Variants in ARHGAP15 observed in about 807,000 individuals in gnomAD.
ARHGAP15 encodes the protein rho GTPase-activating protein 15.
A neutral mutation model predicts 63.7 loss-of-function variants in ARHGAP15; 51 were observed. The ratio of observed to expected loss-of-function variants is 0.80; its 90% CI spans 0.64 to 1.01. The LOEUF (loss-of-function observed/expected upper bound fraction) is 1.01. Ranked by LOEUF, ARHGAP15 falls within the 50% of genes least tolerant of loss-of-function variation. ARHGAP15 has a pLI of 0.00. For missense variants in ARHGAP15, 560 were observed against 564.6 expected, an observed-to-expected ratio of 0.99 and a Z score of 0.08; for synonymous variants, 191 against 193.8, an observed-to-expected ratio of 0.99 and a Z score of 0.12.
At chr2:143,176,302 G>A (rs1270834329) in intron 2 of ARHGAP15, among the ~76,000 whole-genome samples, 1 of 152,016 alleles carries the variant, frequency 6.6e-6, no homozygotes, top group Non-Finnish European at 1.5e-5. Context: ...AGTTTTAGTT[G>A]CAGTTTTCAA....
At chr2:143,489,744 A>C (rs1692495530) in intron 9 of ARHGAP15, among the ~76,000 whole-genome samples, 1 of 152,334 alleles carries the variant, frequency 6.6e-6, no homozygotes, top group East Asian at 1.9e-4. Context: ...TTGCAAGCAA[A>C]ATGACTTAAC....
chr2:143,305,539 A>G (rs1003785689), intron 6 of ARHGAP15: 2 of 152,142 alleles, frequency 1.3e-5, no homozygotes, highest in African/African-American at 4.8e-5. Context: ...GACTTGTAAT[A>G]TAAGTTTTGT....
At chr2:143,698,160 A>G (rs900560019) in intron 12 of ARHGAP15, among the ~76,000 whole-genome samples, 5 of 152,140 alleles carry the variant, frequency 3.3e-5, no homozygotes, top group African/African-American at 9.7e-5. Flanking sequence ...CTATATAACA[A>G]AGCAGAATTT....
At chr2:143,391,620 C>T (rs986770048) in intron 6 of ARHGAP15, among the ~76,000 whole-genome samples, 26 of 152,168 alleles carry the variant, frequency 1.7e-4, no homozygotes, top group Admixed American at 1.7e-3. Flanking sequence ...TTTCCTGCCA[C>T]CTTTTGAGCA....
intron 3 of ARHGAP15, among the ~76,000 whole-genome samples, chr2:143,208,139 T>C (rs974350520): frequency 6.6e-6 from 1 of 152,188 alleles, no homozygotes; most frequent in African/African-American, 2.4e-5. Context: ...TTATCCATCA[T>C]CTCTACTGTA....
At chr2:143,301,670 A>C (rs1682902209) in intron 6 of ARHGAP15, among the ~76,000 whole-genome samples, 1 of 151,924 alleles carries the variant, frequency 6.6e-6, no homozygotes, top group Non-Finnish European at 1.5e-5. Flanking sequence ...ATTTCAGTGA[A>C]TGTGTGGATT....
intron 5 of ARHGAP15, 113 bp from the exon 6 acceptor site, chr2:143,250,398 A>G: frequency 1.4e-6 from 1 of 705,134 alleles, no homozygotes; most frequent in Admixed American, 3.5e-5. Flanking sequence ...GGAAAACAAA[A>G]AAGGCATTAT....
At chr2:143,286,618 A>G (rs1162607029) in intron 6 of ARHGAP15, among the ~76,000 whole-genome samples, 2 of 152,194 alleles carry the variant, frequency 1.3e-5, no homozygotes, top group Non-Finnish European at 2.9e-5. Flanking sequence ...AAAAATTGCC[A>G]TGGTTCTAAG....
chr2:143,614,311 C>T (rs1417399717), intron 11 of ARHGAP15, among the ~76,000 whole-genome samples: 1 of 152,118 alleles, frequency 6.6e-6, no homozygotes, highest in East Asian at 1.9e-4. Context: ...TCTATTTGAC[C>T]AAACTTCCTA....
intron 12 of ARHGAP15, among the ~76,000 whole-genome samples, chr2:143,626,039 G>A (rs1698822604): frequency 6.6e-6 from 1 of 152,128 alleles, no homozygotes; most frequent in South Asian, 2.1e-4. Context: ...TCTCTAAGGA[G>A]TAGGATCATC....
At chr2:143,289,908 T>C (rs1015016589) in intron 6 of ARHGAP15, among the ~76,000 whole-genome samples, 4 of 152,324 alleles carry the variant, frequency 2.6e-5, no homozygotes, top group African/African-American at 9.6e-5. Flanking sequence ...GACAATCTGA[T>C]TCTTTACAAT....
In ARHGAP15 at chr2:143,153,843, T is replaced by TCCTCCTCCTCC. The variant is rs1558779622; in HGVS notation, c.-14-1634_-14-1633insCCTCCTCCTCC. ...CTTCTTCTTCTTCTTCTTCTTCTTC[T>TCCTCCTCCTCC]TCCTCCTCCTCCTCCTCCTCCTCCT... On this transcript the variant is annotated intron_variant, in intron 1 of 13. Transcript: ENST00000295095. Among the ~76,000 whole-genome samples the TCCTCCTCCTCC allele has an allele frequency of 3.4e-3, 292 of 86,864 alleles. 14 individuals carry two copies. The highest frequency in any genetic ancestry group is 4.9e-3 in the Non-Finnish European group (226 of 46,158). The allele number at this position is 86,864 out of a possible 152,430, so 57.0% of individuals were successfully genotyped here. A position where few individuals can be genotyped will look rare whatever the true frequency, so the allele number is the denominator to read the frequency against.
chr2:143,566,893 C>CT (rs11321734), intron 11 of ARHGAP15, among the ~76,000 whole-genome samples: 1,892 of 146,316 alleles, frequency 0.013, 16 homozygotes, highest in East Asian at 0.047. Context: ...CTTGCTGCTG[C>CT]TTTTTTTTTT....
At chr2:143,325,151 A>G (rs1011743117) in intron 6 of ARHGAP15, among the ~76,000 whole-genome samples, 5 of 152,120 alleles carry the variant, frequency 3.3e-5, no homozygotes. Context: ...AATTCATTTC[A>G]TATGTAGTTA....
intron 6 of ARHGAP15, among the ~76,000 whole-genome samples, chr2:143,396,668 A>G (rs900091534): frequency 6.6e-6 from 1 of 150,628 alleles, no homozygotes; most frequent in Non-Finnish European, 1.5e-5. Context: ...GAATGGTTTC[A>G]TGAACTTCAT....
chr2:143,343,773 TTC>T (rs557572040), intron 6 of ARHGAP15, among the ~76,000 whole-genome samples: 21 of 152,214 alleles, frequency 1.4e-4, no homozygotes, highest in African/African-American at 5.1e-4. Flanking sequence ...TTGGGGAGCT[TTC>T]TCTAAGCCTC....
At chr2:143,629,199 AC>A (rs1365886141) in intron 12 of ARHGAP15, among the ~76,000 whole-genome samples, 25 of 138,962 alleles carry the variant, frequency 1.8e-4, no homozygotes, top group Middle Eastern at 3.6e-3. Flanking sequence ...AAAAAAAAAA[AC>A]CCCATTAATA....
At chr2:143,556,519 C>T in intron 11 of ARHGAP15, 34 bp downstream of exon 11, 1 of 1,512,962 alleles carries the variant, frequency 6.6e-7, no homozygotes, top group Non-Finnish European at 9.2e-7. Flanking sequence ...TTTTTTCAAA[C>T]AGTTTCATAT....
At chr2:143,360,863 T>TTA (rs1428047202) in intron 6 of ARHGAP15, among the ~76,000 whole-genome samples, 5 of 152,174 alleles carry the variant, frequency 3.3e-5, no homozygotes, top group Non-Finnish European at 5.9e-5. Context: ...AAGTAAACAT[T>TTA]TATATGGGTT....
Sources: allele counts gnomAD v4.1 joint callset (sites outside exome capture counted in the v4.1 genomes callset), GRCh38; gene constraint gnomAD v4.1.1; transcripts MANE v1.5; gene names NCBI Gene and HGNC (gene_info 2026-07-23, HGNC 2026-07-21).